RANBP2: variants seen among roughly 807,000 people sequenced by gnomAD.
The protein encoded by RANBP2 is E3 SUMO-protein ligase RanBP2.
In RANBP2, 57 loss-of-function variants were observed where a neutral mutation model predicts 303.6. The ratio of observed to expected loss-of-function variants is 0.19; its 90% CI spans 0.15 to 0.23. The LOEUF (loss-of-function observed/expected upper bound fraction) is 0.23. Ranked by LOEUF, RANBP2 falls within the 10% of genes least tolerant of loss-of-function variation. The pLI, the probability that RANBP2 is intolerant of heterozygous loss-of-function variation, is 1.00. For missense variants in RANBP2, 3,138 were observed against 3,780.8 expected, an observed-to-expected ratio of 0.83 and a Z score of 4.46; for synonymous variants, 1,167 against 1,301.5, an observed-to-expected ratio of 0.90 and a Z score of 2.23.
chr2:109,464,815 C>A, the RANBP2 span, among the ~76,000 whole-genome samples: 15 of 152,352 alleles, frequency 9.8e-5, no homozygotes, highest in East Asian at 2.9e-3. Context: ...TACCTTGACA[C>A]ATCATTACCC....
the RANBP2 span, among the ~76,000 whole-genome samples, chr2:109,765,530 C>T: frequency 6.6e-6 from 1 of 150,420 alleles, no homozygotes; most frequent in Non-Finnish European, 1.5e-5. Flanking sequence ...AAGGCTGACA[C>T]TGCCCGCTTG....
chr2:109,565,900 ATAAC>A, the RANBP2 span: 77 of 1,467,232 alleles, frequency 5.2e-5, no homozygotes, highest in Admixed American at 1.3e-3. Flanking sequence ...TACCACTGTG[ATAAC>A]TGACTAGATA....
chr2:108,876,300 A>G, the RANBP2 span: 2 of 1,078,170 alleles, frequency 1.9e-6, no homozygotes, highest in Non-Finnish European at 2.6e-6. Context: ...ATTTATAAAC[A>G]TGTAGAAATT....
chr2:109,050,384 G>A, the RANBP2 span, among the ~76,000 whole-genome samples: 1 of 151,860 alleles, frequency 6.6e-6, no homozygotes, highest in Admixed American at 6.6e-5. Flanking sequence ...CTCCTAAATA[G>A]CTGGGATCAC....
chr2:109,078,077 A>AATATATAT, the RANBP2 span, among the ~76,000 whole-genome samples: 6 of 47,452 alleles, frequency 1.3e-4, no homozygotes, highest in African/African-American at 1.3e-4. Context: ...TTGACAGATG[A>AATATATAT]ATATATATAT....
the RANBP2 span, among the ~76,000 whole-genome samples, chr2:108,956,447 C>T: frequency 4.6e-5 from 7 of 152,204 alleles, no homozygotes; most frequent in African/African-American, 1.7e-4. Flanking sequence ...CCTCCATGTC[C>T]TCCACTAGCA....
the RANBP2 span, chr2:109,552,900 C>T: frequency 1.5e-6 from 1 of 647,504 alleles, no homozygotes; most frequent in Non-Finnish European, 2.5e-6. Flanking sequence ...AAAAAGAAGG[C>T]CAAAGTTTTC....
chr2:108,988,444 C>G, the RANBP2 span, among the ~76,000 whole-genome samples: 1 of 152,166 alleles, frequency 6.6e-6, no homozygotes, highest in African/African-American at 2.4e-5. Context: ...TTCTCTCCCT[C>G]TCCCCGCTCC....
chr2:109,369,342 C>T, the RANBP2 span, among the ~76,000 whole-genome samples: 2 of 151,932 alleles, frequency 1.3e-5, no homozygotes, highest in Admixed American at 6.6e-5. Flanking sequence ...CACAAGACTC[C>T]GTCTAAAAAA....
the RANBP2 span, among the ~76,000 whole-genome samples, chr2:108,855,817 A>G: frequency 6.6e-6 from 1 of 152,244 alleles, no homozygotes; most frequent in Admixed American, 6.5e-5. Flanking sequence ...GAAATGCAAC[A>G]TGAAGCTACA....
the RANBP2 span, among the ~76,000 whole-genome samples, chr2:109,157,080 A>T: frequency 6.6e-6 from 1 of 152,210 alleles, no homozygotes; most frequent in South Asian, 2.1e-4. Flanking sequence ...TGGTAAACAC[A>T]GGTGGCTCCA....
At chr2:109,686,661 G>C in the RANBP2 span, among the ~76,000 whole-genome samples, 3 of 152,012 alleles carry the variant, frequency 2.0e-5, no homozygotes, top group Non-Finnish European at 4.4e-5. Context: ...ATCCAGGTCG[G>C]ACTGCAGTGA....
chr2:109,692,601 A>G, the RANBP2 span, among the ~76,000 whole-genome samples: 1 of 152,036 alleles, frequency 6.6e-6, no homozygotes, highest in African/African-American at 2.4e-5. Flanking sequence ...GCCGTGTGGG[A>G]GAAAGCGAGG....
At chr2:109,371,566 C>T in the RANBP2 span, 535 of 1,609,930 alleles carry the variant, frequency 3.3e-4, 1 homozygote, top group Middle Eastern at 2.3e-3. Flanking sequence ...CTTGTGTCCA[C>T]GGTGGACCCG....
At chr2:109,169,755 C>T in the RANBP2 span, among the ~76,000 whole-genome samples, 2 of 65,542 alleles carry the variant, frequency 3.1e-5, no homozygotes, top group Non-Finnish European at 5.1e-5. Context: ...AACAACCATA[C>T]ACACACACAC....
At chr2:109,194,164 C>G in the RANBP2 span, among the ~76,000 whole-genome samples, 1 of 152,260 alleles carries the variant, frequency 6.6e-6, no homozygotes. Flanking sequence ...CCAAGCCCTT[C>G]CCAGCACTGG....
At chr2:109,367,445 CTAGTTGTTG>C in the RANBP2 span, among the ~76,000 whole-genome samples, 5 of 152,090 alleles carry the variant, frequency 3.3e-5, no homozygotes, top group East Asian at 9.7e-4. Context: ...TCATGCCTGG[CTAGTTGTTG>C]TATTTTTAAT....
chr2:109,564,424 G>A, the RANBP2 span: 18 of 1,593,578 alleles, frequency 1.1e-5, no homozygotes, highest in South Asian at 3.5e-5. Context: ...AGTTTGCAGC[G>A]CCTGTAAAGC....
At chr2:108,920,960 G>C in the RANBP2 span, among the ~76,000 whole-genome samples, 1 of 152,114 alleles carries the variant, frequency 6.6e-6, no homozygotes, top group African/African-American at 2.4e-5. Flanking sequence ...TGAAGTTCCA[G>C]AGCAGGCTCA....
Sources: allele counts gnomAD v4.1 joint callset (sites outside exome capture counted in the v4.1 genomes callset), GRCh38; gene constraint gnomAD v4.1.1; transcripts MANE v1.5; gene names NCBI Gene and HGNC (gene_info 2026-07-23, HGNC 2026-07-21).